Variants in LIN28B observed in about 807,000 individuals in gnomAD.
The protein encoded by LIN28B is protein lin-28 homolog B.
Under a neutral mutation model 21.9 loss-of-function variants are expected in LIN28B, and 5 were observed. That is an observed-to-expected ratio of 0.23 (90% CI 0.12 to 0.48). LIN28B has a LOEUF of 0.48. Ranked by LOEUF, LIN28B falls within the 20% of genes least tolerant of loss-of-function variation. The pLI, the probability that LIN28B is intolerant of heterozygous loss-of-function variation, is 0.98. For missense variants in LIN28B, 245 were observed against 310.5 expected (o/e 0.79, Z 1.58); for synonymous variants, 109 against 111.3 (o/e 0.98, Z 0.13).
At chr6:105,031,260 G>A (rs993090185) in intron 3 of LIN28B, among the ~76,000 whole-genome samples, 1 of 151,940 alleles carries the variant, frequency 6.6e-6, no homozygotes, top group Non-Finnish European at 1.5e-5. Context: ...TGACCAGTAG[G>A]AGCCCCTTCA....
intron 2 of LIN28B, among the ~76,000 whole-genome samples, chr6:104,987,203 A>G (rs777457044): frequency 6.6e-6 from 1 of 152,098 alleles, no homozygotes; most frequent in Non-Finnish European, 1.5e-5. Flanking sequence ...ATTCCTATAT[A>G]TTTGATTTTT....
intron 3 of LIN28B, among the ~76,000 whole-genome samples, chr6:105,074,490 G>A (rs935806675): frequency 2.0e-5 from 3 of 151,916 alleles, no homozygotes; most frequent in Non-Finnish European, 4.4e-5. Flanking sequence ...GAGCCACCGC[G>A]TCAGGCCTTA....
Position 105,078,689 on chromosome 6 carries a change from G to C in LIN28B, c.659G>C (p.Arg220Thr). Reference protein sequence around the residue: ...ARAEISERSGRSPQEASSTKS... With the variant: ...ARAEISERSGTSPQEASSTKS... The stretch of plus-strand genomic sequence containing the variant: ...GCAGAGATCTCAGAACGGTCAGGCA[G>C]GTCACCTCAAGAAGCTTCCTCCACG... The change falls in exon 4 of 4, where the codon AGG (arginine) becomes ACG (threonine). Residue 220 changes from arginine to threonine, a missense_variant. Transcript: ENST00000345080. The C allele has an allele frequency of 6.2e-7, 1 of 1,614,090 alleles. No individual in the cohort carries two copies.
At chr6:104,978,632 A>G (rs1463445701) in intron 2 of LIN28B, among the ~76,000 whole-genome samples, 2 of 152,072 alleles carry the variant, frequency 1.3e-5, no homozygotes, top group Non-Finnish European at 2.9e-5. Flanking sequence ...TGAGTCCGAT[A>G]AAAGGGGTGA....
rs560833164 is a variant in LIN28B, at chr6:105,074,400, A to G, written c.384-4014A>G. ...TTTTTAGCAGAGACAGGGTTTCACC[A>G]TGTTAGCCAAGATGGTCTCGATCTC... On this transcript the variant is annotated intron_variant, in intron 3 of 3. Transcript: ENST00000345080. Among the ~76,000 whole-genome samples the G allele has an allele frequency of 1.1e-3, 165 of 152,174 alleles. 1 individual carries two copies. Among genetic ancestry groups the G allele is most frequent in the African/African-American group, 3.8e-3 (159 of 41,516 alleles).
intron 1 of LIN28B, 57 bp downstream of exon 1, chr6:104,957,317 C>G (rs984759983): frequency 1.6e-6 from 2 of 1,225,784 alleles, no homozygotes; most frequent in Non-Finnish European, 2.3e-6. Flanking sequence ...TCTCCTCCCC[C>G]TCCCCCTCTC....
rs1772510449 is a variant in LIN28B, at chr6:105,079,991, G to T, written c.*1208G>T. 1 of 152,124 alleles carries T rather than the reference G, an allele frequency of 6.6e-6. No individual in the cohort carries two copies. Among genetic ancestry groups the T allele is most frequent in the African/African-American group, 2.4e-5 (1 of 41,434 alleles). The allele number at this position is 152,124 out of a possible 1,614,324, so 9.4% of individuals were successfully genotyped here. A position where few individuals can be genotyped will look rare whatever the true frequency, so the allele number is the denominator to read the frequency against. ...ACAAGAGTGACAAGCCTGGGGCAGA[G>T]GTACCAAACCTCTCCCACCAGAGAG... On this transcript the variant is annotated 3_prime_UTR_variant, in exon 4 of 4. Transcript: ENST00000345080.
Position 105,014,080 on chromosome 6 carries a change from C to CT in LIN28B, c.199-12215dup, listed in dbSNP as rs1157729607. 5.9e-5 allele frequency among the ~76,000 whole-genome samples: 9 copies of CT among 152,266 alleles called. No individual in the cohort carries two copies. In the East Asian group the frequency reaches 1.7e-3, roughly 29 times the overall value. On this transcript the variant is annotated intron_variant, in intron 2 of 3. Coordinates refer to ENST00000345080, the MANE Select transcript of LIN28B (RefSeq NM_001004317.4). ...TGTTCCTATTATTTTCTTCTACCAACTTTGAGTTTCCTTTGCACTTTCTGT... is the reference window on the plus strand; with the variant it reads ...TGTTCCTATTATTTTCTTCTACCAACTTTTGAGTTTCCTTTGCACTTTCTGT...
intron 2 of LIN28B, among the ~76,000 whole-genome samples, chr6:105,004,219 C>T (rs1446084723): frequency 1.3e-5 from 2 of 152,188 alleles, no homozygotes; most frequent in East Asian, 3.9e-4. Context: ...GTCTGCCTTT[C>T]CCAGCCCACT....
chr6:104,942,308 A>G (rs908565421), intron 2 of LIN28B, among the ~76,000 whole-genome samples: 3 of 152,204 alleles, frequency 2.0e-5, no homozygotes, highest in African/African-American at 7.2e-5. Flanking sequence ...TTAATCAAGA[A>G]AATATTAATG....
chr6:104,980,760 TC>T (rs375184603), intron 2 of LIN28B, among the ~76,000 whole-genome samples: 119 of 152,288 alleles, frequency 7.8e-4, no homozygotes, highest in African/African-American at 2.7e-3. Context: ...CTAGGATACT[TC>T]CTCTGCACAC....
intron 2 of LIN28B, among the ~76,000 whole-genome samples, chr6:104,999,153 T>TA: frequency 6.6e-6 from 1 of 152,234 alleles, no homozygotes; most frequent in South Asian, 2.1e-4. Context: ...AATGTTATTA[T>TA]TTTATTTATT....
intron 3 of LIN28B, among the ~76,000 whole-genome samples, chr6:105,041,011 A>G (rs1482336620): frequency 2.0e-5 from 3 of 152,060 alleles, no homozygotes; most frequent in Admixed American, 1.3e-4. Context: ...TCCTGGGCTC[A>G]GGTGATTCTC....
At chr6:105,052,103 A>ATTTTG (rs1408172397) in intron 3 of LIN28B, among the ~76,000 whole-genome samples, 10 of 152,188 alleles carry the variant, frequency 6.6e-5, no homozygotes, top group African/African-American at 2.4e-4. Flanking sequence ...TTCAAAAGGA[A>ATTTTG]AACCTGTGCA....
chr6:104,947,630 A>C (rs1778171382), intron 2 of LIN28B, among the ~76,000 whole-genome samples: 1 of 151,888 alleles, frequency 6.6e-6, no homozygotes, highest in South Asian at 2.1e-4. Flanking sequence ...AGTAAATCAT[A>C]TATTTAAATT....
At chr6:104,995,155 T>G (rs537738150) in intron 2 of LIN28B, among the ~76,000 whole-genome samples, 56 of 152,306 alleles carry the variant, frequency 3.7e-4, no homozygotes, top group South Asian at 8.3e-4. Context: ...ATACTCAGCC[T>G]GTGTATTGAG....
rs905473570 is a variant in LIN28B at position 105,052,416 on chromosome 6, C to T, written c.383+25934C>T. 4.6e-5 allele frequency among the ~76,000 whole-genome samples: 7 copies of T among 152,166 alleles called. No individual in the cohort carries two copies. The East Asian group carries it at 1.4e-3, about 29-fold the overall frequency. ...AAGGGGCAGGCATCTGGCAAGTGCC[C>T]TCTTGATGTGTCATGGTGGGAGAGC... is the stretch of plus-strand genomic sequence containing the variant. On this transcript the variant is annotated intron_variant, in intron 3 of 3. Transcript: ENST00000345080.
rs563470613 is a variant in LIN28B at position 104,949,518 on chromosome 6, G to T, written c.19-943G>T. Among the ~76,000 whole-genome samples, 4 of 152,302 alleles carry T rather than the reference G, an allele frequency of 2.6e-5. No individual in the cohort carries two copies. In the South Asian group the frequency reaches 8.3e-4, roughly 32 times the overall value. On this transcript the variant is annotated intron_variant, in intron 2 of 5. Transcript: ENST00000635857. ...TGGAAAAGTCTCCATTTCCTTTTGA[G>T]AAGAAAATTAGATTGCAACTTAAAT...
At chr6:105,038,720 T>G (rs758197263) in intron 3 of LIN28B, among the ~76,000 whole-genome samples, 6 of 152,182 alleles carry the variant, frequency 3.9e-5, no homozygotes, top group Non-Finnish European at 8.8e-5. Flanking sequence ...TTCCAGTGCA[T>G]GTAATTGATA....
Sources: allele counts gnomAD v4.1 joint callset (sites outside exome capture counted in the v4.1 genomes callset), GRCh38; gene constraint gnomAD v4.1.1; transcripts MANE v1.5; gene names NCBI Gene and HGNC (gene_info 2026-07-23, HGNC 2026-07-21).